Variants in PITPNC1 observed in about 807,000 individuals in gnomAD.
PITPNC1 encodes the protein phosphatidylinositol transfer protein cytoplasmic 1.
PITPNC1 carries 18 observed loss-of-function variants against 44.7 expected under a neutral mutation model. The observed-to-expected ratio is 0.40, with a 90% CI of 0.28 to 0.60. The LOEUF (loss-of-function observed/expected upper bound fraction) is 0.60. Ranked by LOEUF, PITPNC1 falls within the 20% of genes least tolerant of loss-of-function variation. The pLI, the probability that PITPNC1 is intolerant of heterozygous loss-of-function variation, is 0.39. For synonymous variants in PITPNC1, 141 were observed against 149.6 expected (o/e 0.94, Z 0.42); for missense variants, 290 against 418.4 (o/e 0.69, Z 2.68).
Position 67,542,149 on chromosome 17 carries a change from T to G in PITPNC1, c.197+9199T>G, listed in dbSNP as rs528707911. 3.9e-4 allele frequency among the ~76,000 whole-genome samples: 60 copies of G among 152,290 alleles called. 1 individual carries two copies. The highest frequency in any genetic ancestry group is 1.4e-3 in the African/African-American group (60 of 41,570). The stretch of plus-strand genomic sequence containing the variant: ...TCCTCCAGCATACATATGTAACCAA[T>G]GAGGCACAAGAAAAGAAGTATTTTT... On this transcript the variant is annotated intron_variant, in intron 2 of 8. Coordinates refer to ENST00000581322, the MANE Select transcript of PITPNC1 (RefSeq NM_012417.4).
intron 5 of PITPNC1, among the ~76,000 whole-genome samples, chr17:67,602,564 T>C (rs2041554997): frequency 6.6e-6 from 1 of 151,976 alleles, no homozygotes; most frequent in Admixed American, 6.6e-5. Context: ...TAGGGTAAAG[T>C]GGAATCCTGG....
At chr17:67,653,247 G>C (rs376757255) in intron 6 of PITPNC1, among the ~76,000 whole-genome samples, 3 of 152,124 alleles carry the variant, frequency 2.0e-5, no homozygotes, top group Admixed American at 2.0e-4. Context: ...CTCCAGCCTG[G>C]GTGACACAGC....
intron 7 of PITPNC1, 122 bp from the exon 8 acceptor site, chr17:67,675,357 C>A: frequency 2.7e-6 from 2 of 742,024 alleles, no homozygotes; most frequent in East Asian, 2.5e-5. Context: ...TTGTCATCAC[C>A]TATGGACAGA....
At chr17:67,603,696 G>A (rs2041572063) in intron 5 of PITPNC1, among the ~76,000 whole-genome samples, 1 of 152,174 alleles carries the variant, frequency 6.6e-6, no homozygotes. Context: ...TTGGGAGGCT[G>A]AGGCGGACGA....
intron 5 of PITPNC1, among the ~76,000 whole-genome samples, chr17:67,596,556 G>C (rs944735096): frequency 6.6e-6 from 1 of 152,006 alleles, no homozygotes; most frequent in Non-Finnish European, 1.5e-5. Flanking sequence ...TGTCGTCCAG[G>C]CTGGAGTGCA....
intron 5 of PITPNC1, among the ~76,000 whole-genome samples, chr17:67,621,180 C>CATTTTTATTTTATTTTATTTT (rs2041824270): frequency 7.7e-6 from 1 of 129,774 alleles, no homozygotes; most frequent in Admixed American, 8.0e-5. Flanking sequence ...GTCTGAAGCA[C>CATTTTTATTTTATTTTATTTT]ATTTTATTTT....
intron 8 of PITPNC1, among the ~76,000 whole-genome samples, chr17:67,686,127 G>A (rs1180608869): frequency 6.6e-6 from 1 of 151,556 alleles, no homozygotes; most frequent in Non-Finnish European, 1.5e-5. Context: ...CACCATGCCT[G>A]GCCTGAACAT....
At chr17:67,445,335 T>C (rs959493110) in intron 1 of PITPNC1, among the ~76,000 whole-genome samples, 2 of 151,880 alleles carry the variant, frequency 1.3e-5, no homozygotes, top group African/African-American at 4.8e-5. Flanking sequence ...ACAGAAATGA[T>C]GGGAAAGGGA....
intron 2 of PITPNC1, 113 bp downstream of exon 2, chr17:67,533,063 C>T (rs35966843): frequency 0.034 from 25,687 of 752,228 alleles, 545 homozygotes; most frequent in Middle Eastern, 0.071. Flanking sequence ...AAAGTAACTA[C>T]GTCCACCGTC....
chr17:67,612,741 G>A (rs2041704663), intron 5 of PITPNC1: 2 of 152,130 alleles, frequency 1.3e-5, no homozygotes, highest in Non-Finnish European at 2.9e-5. Flanking sequence ...ATGGGTGGAT[G>A]TGGAGATCAG....
intron 1 of PITPNC1, among the ~76,000 whole-genome samples, chr17:67,436,908 GTTTTTTTTTTT>G (rs1044625193): frequency 0.044 from 3,001 of 68,434 alleles, 80 homozygotes; most frequent in Non-Finnish European, 0.06. Context: ...AAATAGGGGT[GTTTTTTTTTTT>G]TTTTTTTTTT....
At position 67,508,162 on chromosome 17, in the gene PITPNC1, G is replaced by C. The variant is rs535900426; in HGVS notation, c.49-24640G>C. Among the ~76,000 whole-genome samples, 7 of 152,224 alleles carry C rather than the reference G, an allele frequency of 4.6e-5. No individual in the cohort carries two copies. Among genetic ancestry groups the C allele is most frequent in the African/African-American group, 1.4e-4 (6 of 41,526 alleles). On this transcript the variant is annotated intron_variant, in intron 1 of 8. Coordinates refer to ENST00000581322, the MANE Select transcript of PITPNC1 (RefSeq NM_012417.4). This position sits in a 1 kb window ranked among gnomAD's most constrained non-coding sequence, Gnocchi z 4.2. ...AATTTGCAAAGCTGTTACCAGAAAGGGGCCCTGATCCAGACCCCAAGAGAG... is the reference window on the plus strand; with the variant it reads ...AATTTGCAAAGCTGTTACCAGAAAGCGGCCCTGATCCAGACCCCAAGAGAG...
intron 8 of PITPNC1, among the ~76,000 whole-genome samples, chr17:67,685,919 C>G (rs2042806854): frequency 6.6e-6 from 1 of 152,040 alleles, no homozygotes; most frequent in Non-Finnish European, 1.5e-5. Context: ...CAACCTCTGC[C>G]TCCCGGGTTC....
chr17:67,460,376 T>C (rs2039318316), intron 1 of PITPNC1, among the ~76,000 whole-genome samples: 1 of 152,132 alleles, frequency 6.6e-6, no homozygotes, highest in African/African-American at 2.4e-5. Flanking sequence ...CAGGATTCTT[T>C]CGTGGATGGC....
At chr17:67,588,597 GA>G (rs142532297) in intron 5 of PITPNC1, among the ~76,000 whole-genome samples, 2 of 151,602 alleles carry the variant, frequency 1.3e-5, no homozygotes, top group African/African-American at 2.4e-5. Context: ...CACATCAAAA[GA>G]AAAAAAATAG....
intron 1 of PITPNC1, among the ~76,000 whole-genome samples, chr17:67,421,264 C>T (rs905009891): frequency 6.6e-6 from 1 of 152,096 alleles, no homozygotes; most frequent in Non-Finnish European, 1.5e-5. Flanking sequence ...GACTTGAAAA[C>T]AGAGAACGGT....
chr17:67,608,794 C>T (rs1168412056), intron 5 of PITPNC1, among the ~76,000 whole-genome samples: 2 of 151,018 alleles, frequency 1.3e-5, no homozygotes, highest in Non-Finnish European at 2.9e-5. Context: ...CCATCACGCC[C>T]GGCCTGTTTC....
intron 1 of PITPNC1, among the ~76,000 whole-genome samples, chr17:67,417,756 A>G (rs530215620): frequency 6.4e-4 from 97 of 152,198 alleles, no homozygotes; most frequent in Non-Finnish European, 1.0e-3. Flanking sequence ...CTTGAAGTCA[A>G]TGGGGGCTGG....
intron 8 of PITPNC1, among the ~76,000 whole-genome samples, chr17:67,681,834 A>G (rs770638296): frequency 7.9e-5 from 12 of 152,134 alleles, no homozygotes; most frequent in Non-Finnish European, 1.8e-4. Flanking sequence ...AATTTAATAA[A>G]ATATACCATA....
Sources: gnomAD v4.1 joint callset for allele counts (sites outside exome capture counted in the v4.1 genomes callset) on GRCh38, gnomAD v4.1.1 for gene constraint, Gnocchi (gnomAD v3.1) non-coding constraint, MANE v1.5 for transcripts, NCBI Gene and HGNC (gene_info 2026-07-23, HGNC 2026-07-21) for gene names.